The following PCBP3 variants were observed in gnomAD, a reference collection of about 807,000 sequenced individuals.
PCBP3 encodes poly(rC) binding protein 3.
In PCBP3, 25 loss-of-function variants were observed where a neutral mutation model predicts 52.7. The ratio of observed to expected loss-of-function variants is 0.47; its 90% confidence interval spans 0.35 to 0.66. PCBP3 has a LOEUF of 0.66. Ranked by LOEUF, PCBP3 falls within the 30% of genes least tolerant of loss-of-function variation. PCBP3 has a pLI of 0.01. For synonymous variants in PCBP3, 162 were observed against 183.0 expected, an observed-to-expected ratio of 0.89 and a Z score of 0.93; for missense variants, 391 against 490.3, an observed-to-expected ratio of 0.80 and a Z score of 1.91.
intron 4 of PCBP3, among the ~76,000 whole-genome samples, chr21:45,786,777 C>T (rs2091195327): frequency 6.6e-6 from 1 of 152,202 alleles, no homozygotes; most frequent in Non-Finnish European, 1.5e-5. Context: ...GGGGTGCCTG[C>T]ACAGCAGGAA....
At chr21:45,909,825 G>GC (rs1258842391) in intron 10 of PCBP3, among the ~76,000 whole-genome samples, 1 of 7,678 alleles carries the variant, frequency 1.3e-4, no homozygotes, top group Admixed American at 2.0e-3. Context: ...TACGGACCCG[G>GC]CCCACCCACT....
intron 5 of PCBP3, among the ~76,000 whole-genome samples, chr21:45,851,370 G>A (rs1195250387): frequency 1.3e-5 from 2 of 152,192 alleles, no homozygotes; most frequent in Non-Finnish European, 2.9e-5. Context: ...AAATTAGCCA[G>A]GTGTGGTGGT....
At chr21:45,888,786 C>T (rs548319878) in intron 5 of PCBP3, among the ~76,000 whole-genome samples, 33 of 152,222 alleles carry the variant, frequency 2.2e-4, no homozygotes, top group African/African-American at 7.5e-4. Flanking sequence ...TCAAATCACA[C>T]GTGGACAGTA....
intron 12 of PCBP3, 78 bp downstream of exon 12, chr21:45,914,103 A>C: frequency 1.2e-6 from 2 of 1,607,302 alleles, no homozygotes; most frequent in Non-Finnish European, 1.7e-6. Context: ...CCGTTAGTGC[A>C]CTCAGGTTTT....
intron 4 of PCBP3, among the ~76,000 whole-genome samples, chr21:45,776,470 TTC>T (rs142762678): frequency 0.18 from 26,123 of 145,942 alleles, 2,325 homozygotes; most frequent in Middle Eastern, 0.33. Flanking sequence ...GAGTCTCTCT[TTC>T]TCTCTCTCTC....
intron 2 of PCBP3, among the ~76,000 whole-genome samples, chr21:45,723,021 AAAATGTATATAGGT>A (rs1439451870): frequency 2.0e-5 from 3 of 152,168 alleles, no homozygotes; most frequent in Non-Finnish European, 2.9e-5. Flanking sequence ...TCAAAAAAAA[AAAATGTATATAGGT>A]AAATGTAATA....
chr21:45,749,935 A>G (rs1190465879), intron 3 of PCBP3: 1 of 152,264 alleles, frequency 6.6e-6, no homozygotes, highest in African/African-American at 2.4e-5. Flanking sequence ...ATCTCTGTCA[A>G]TCAGGAACAT....
At chr21:45,651,890 A>G (rs571614219) in intron 1 of PCBP3, among the ~76,000 whole-genome samples, 2 of 152,242 alleles carry the variant, frequency 1.3e-5, no homozygotes, top group Admixed American at 6.5e-5. Flanking sequence ...GGACAGAACT[A>G]TTGATTTTTG....
intron 1 of PCBP3, among the ~76,000 whole-genome samples, chr21:45,648,730 A>G (rs553032234): frequency 6.6e-6 from 1 of 152,190 alleles, no homozygotes; most frequent in Non-Finnish European, 1.5e-5. Flanking sequence ...TTTAATTAGC[A>G]TTTCCTTGGC....
intron 2 of PCBP3, among the ~76,000 whole-genome samples, chr21:45,733,455 T>A (rs1299593682): frequency 6.6e-6 from 1 of 151,828 alleles, no homozygotes; most frequent in East Asian, 1.9e-4. Flanking sequence ...CCTGGCTAAT[T>A]TTTTTGTGTG....
At chr21:45,816,878 G>A (rs534596329) in intron 4 of PCBP3, among the ~76,000 whole-genome samples, 6 of 152,006 alleles carry the variant, frequency 3.9e-5, no homozygotes, top group Non-Finnish European at 5.9e-5. Flanking sequence ...TACGAGTTAC[G>A]CTCTGATGTG....
chr21:45,720,254 G>A (rs1425286627), intron 2 of PCBP3, among the ~76,000 whole-genome samples: 2 of 151,004 alleles, frequency 1.3e-5, no homozygotes, highest in East Asian at 2.0e-4. Flanking sequence ...AGTGTGTGAT[G>A]TTCCCCTCCC....
chr21:45,768,016 C>A (rs1253881151), intron 4 of PCBP3, among the ~76,000 whole-genome samples: 1 of 152,264 alleles, frequency 6.6e-6, no homozygotes, highest in Non-Finnish European at 1.5e-5. Context: ...GTGTCACTAC[C>A]CACGTTGGCC....
chr21:45,768,015 C>G (rs921526543), intron 4 of PCBP3, among the ~76,000 whole-genome samples: 1 of 152,276 alleles, frequency 6.6e-6, no homozygotes, highest in Non-Finnish European at 1.5e-5. Context: ...AGTGTCACTA[C>G]CCACGTTGGC....
chr21:45,938,963 C>T (rs868274042), intron 16 of PCBP3, among the ~76,000 whole-genome samples: 10 of 152,338 alleles, frequency 6.6e-5, no homozygotes, highest in South Asian at 6.2e-4. Flanking sequence ...TCCTGCATGC[C>T]GCCACATGGC....
At chr21:45,650,902 A>G (rs1178149580) in intron 1 of PCBP3, among the ~76,000 whole-genome samples, 1 of 152,144 alleles carries the variant, frequency 6.6e-6, no homozygotes, top group Non-Finnish European at 1.5e-5. Context: ...TTCTGGCCAT[A>G]CCTAATTTCA....
At chr21:45,729,912 T>C (rs890353767) in intron 2 of PCBP3, among the ~76,000 whole-genome samples, 1 of 152,084 alleles carries the variant, frequency 6.6e-6, no homozygotes, top group Admixed American at 6.6e-5. Flanking sequence ...TTCCACCATC[T>C]ACCATGCCTG....
intron 4 of PCBP3, among the ~76,000 whole-genome samples, chr21:45,768,693 T>C (rs1313909041): frequency 1.3e-5 from 2 of 152,240 alleles, no homozygotes; most frequent in African/African-American, 2.4e-5. Context: ...ATGAAGCTGA[T>C]GGCTCTGCCT....
At chr21:45,665,016 T>C (rs2080700675) in intron 1 of PCBP3, among the ~76,000 whole-genome samples, 1 of 152,098 alleles carries the variant, frequency 6.6e-6, no homozygotes, top group African/African-American at 2.4e-5. Context: ...CATGGTTAAA[T>C]GTATTCCTAG....
Sources: allele counts gnomAD v4.1 joint callset (sites outside exome capture counted in the v4.1 genomes callset), GRCh38; gene constraint gnomAD v4.1.1; transcripts MANE v1.5; gene names NCBI Gene and HGNC (gene_info 2026-07-23, HGNC 2026-07-21).